Variants in ENTREP2 observed in about 807,000 individuals in gnomAD.
ENTREP2 encodes the protein protein ENTREP2.
chr15:29,289,713 G>A, the ENTREP2 span, among the ~76,000 whole-genome samples: 3 of 152,014 alleles, frequency 2.0e-5, no homozygotes, highest in Non-Finnish European at 4.4e-5. Flanking sequence ...AGGCATGGTG[G>A]TGCGCACCTG....
At chr15:29,629,760 C>A in the ENTREP2 span, among the ~76,000 whole-genome samples, 14 of 152,074 alleles carry the variant, frequency 9.2e-5, no homozygotes, top group Non-Finnish European at 2.9e-5. Flanking sequence ...TTCTGTATTT[C>A]CTTTCCTCTT....
chr15:29,199,892 T>C, the ENTREP2 span, among the ~76,000 whole-genome samples: 28 of 152,254 alleles, frequency 1.8e-4, no homozygotes, highest in Admixed American at 1.8e-3. Flanking sequence ...CAGTCACTTT[T>C]AGTGAAAGAT....
At chr15:29,386,410 G>A in the ENTREP2 span, among the ~76,000 whole-genome samples, 440 of 152,256 alleles carry the variant, frequency 2.9e-3, 2 homozygotes, top group African/African-American at 1.0e-2. Context: ...CCGAAGAAGC[G>A]AACCACACCC....
the ENTREP2 span, among the ~76,000 whole-genome samples, chr15:29,416,927 A>C: frequency 1.1e-4 from 17 of 152,372 alleles, no homozygotes; most frequent in South Asian, 2.9e-3. Context: ...GAGAAATGCA[A>C]ATCAAAACCA....
At chr15:29,625,381 G>A in the ENTREP2 span, among the ~76,000 whole-genome samples, 3 of 152,136 alleles carry the variant, frequency 2.0e-5, no homozygotes, top group African/African-American at 7.2e-5. Context: ...GGGTTGTATT[G>A]TTAGTACATG....
chr15:29,247,648 T>C, the ENTREP2 span, among the ~76,000 whole-genome samples: 4 of 152,294 alleles, frequency 2.6e-5, no homozygotes, highest in East Asian at 1.9e-4. Flanking sequence ...AGAGTTGATA[T>C]TGGTTGTTTC....
chr15:29,582,328 C>T, the ENTREP2 span, among the ~76,000 whole-genome samples: 3 of 151,848 alleles, frequency 2.0e-5, no homozygotes, highest in Admixed American at 6.6e-5. Flanking sequence ...GAATCATGGA[C>T]GGACTTACAT....
the ENTREP2 span, among the ~76,000 whole-genome samples, chr15:29,605,703 G>GC: frequency 6.6e-6 from 1 of 152,028 alleles, no homozygotes; most frequent in South Asian, 2.1e-4. Context: ...GGGCATGATG[G>GC]GGGGGTGCCT....
chr15:29,143,069 C>T, the ENTREP2 span, among the ~76,000 whole-genome samples: 3 of 152,266 alleles, frequency 2.0e-5, no homozygotes, highest in Non-Finnish European at 4.4e-5. Flanking sequence ...CTAGTTCCAT[C>T]GGCAGTTAAT....
the ENTREP2 span, among the ~76,000 whole-genome samples, chr15:29,662,958 C>T: frequency 6.6e-6 from 1 of 151,846 alleles, no homozygotes; most frequent in Non-Finnish European, 1.5e-5. Context: ...GGTGATCCGC[C>T]CGCCTCGGCC....
the ENTREP2 span, among the ~76,000 whole-genome samples, chr15:29,571,016 G>A: frequency 6.9e-6 from 1 of 145,674 alleles, no homozygotes; most frequent in Non-Finnish European, 1.5e-5. Context: ...GCCCGAGCGC[G>A]GGCGCGAGCC....
the ENTREP2 span, among the ~76,000 whole-genome samples, chr15:29,493,124 C>T: frequency 0.019 from 2,511 of 129,348 alleles, 104 homozygotes; most frequent in African/African-American, 0.081. Context: ...CCCTGACAAC[C>T]CTTTTTTTTT....
At chr15:29,373,468 T>C in the ENTREP2 span, 1 of 152,146 alleles carries the variant, frequency 6.6e-6, no homozygotes, top group Non-Finnish European at 1.5e-5. Context: ...GTAGGATAAA[T>C]GCTAACATGG....
chr15:29,523,561 A>ATTTTTTTTTTTTTT, the ENTREP2 span, among the ~76,000 whole-genome samples: 2 of 78,482 alleles, frequency 2.5e-5, no homozygotes, highest in African/African-American at 1.0e-4. Flanking sequence ...TCCCAGCTAG[A>ATTTTTTTTTTTTTT]TTTTTTTTTT....
At chr15:29,216,640 G>A in the ENTREP2 span, among the ~76,000 whole-genome samples, 1 of 152,136 alleles carries the variant, frequency 6.6e-6, no homozygotes, top group South Asian at 2.1e-4. Flanking sequence ...ACCCGAGCGA[G>A]TTCCATGGTT....
the ENTREP2 span, among the ~76,000 whole-genome samples, chr15:29,387,656 T>G: frequency 6.6e-6 from 1 of 151,654 alleles, no homozygotes; most frequent in Non-Finnish European, 1.5e-5. Context: ...GAGCCTGCAT[T>G]GCCAAGTCAA....
At chr15:29,641,551 G>T in the ENTREP2 span, among the ~76,000 whole-genome samples, 4 of 152,028 alleles carry the variant, frequency 2.6e-5, no homozygotes, top group African/African-American at 9.7e-5. Context: ...AGAAAAACAG[G>T]CTGGGCACGG....
chr15:29,451,254 G>A, the ENTREP2 span, among the ~76,000 whole-genome samples: 2 of 152,142 alleles, frequency 1.3e-5, no homozygotes, highest in Admixed American at 6.5e-5. Flanking sequence ...CGCTGATGAT[G>A]GGGGGTGGCA....
At chr15:29,143,525 CT>C in the ENTREP2 span, among the ~76,000 whole-genome samples, 2 of 152,124 alleles carry the variant, frequency 1.3e-5, no homozygotes, top group Admixed American at 6.5e-5. Flanking sequence ...CCCAGCACCC[CT>C]CTGTAGGGCG....
Sources: gnomAD v4.1 joint callset for allele counts (sites outside exome capture counted in the v4.1 genomes callset) on GRCh38, gnomAD v4.1.1 for gene constraint, MANE v1.5 for transcripts, NCBI Gene and HGNC (gene_info 2026-07-23, HGNC 2026-07-21) for gene names.